The following MACROD2 variants were observed in gnomAD, a reference collection of about 807,000 sequenced individuals.
MACROD2 encodes ADP-ribose glycohydrolase MACROD2.
MACROD2 carries 36 observed loss-of-function variants against 70.4 expected under a neutral mutation model. The observed-to-expected ratio is 0.51, with a 90% CI of 0.39 to 0.68. The LOEUF (loss-of-function observed/expected upper bound fraction) is 0.68, where lower values mean the gene tolerates loss of function less well. MACROD2 is among the 30% of genes least tolerant of loss of function. The pLI is 0.00. For synonymous variants in MACROD2, 172 were observed against 178.8 expected, an observed-to-expected ratio of 0.96 and a Z score of 0.30; for missense variants, 496 against 538.4, an observed-to-expected ratio of 0.92 and a Z score of 0.78.
chr20:15,679,341 G>T (rs536292216), intron 8 of MACROD2, among the ~76,000 whole-genome samples: 2 of 150,858 alleles, frequency 1.3e-5, no homozygotes, highest in Admixed American at 1.3e-4. Context: ...GAAGGGTGAG[G>T]GGTGGTCAGG....
rs116909168 is a variant in MACROD2 at position 15,475,859 on chromosome 20, T to A, written c.572-23915T>A. On this transcript the variant is annotated intron_variant, in intron 7 of 17. Coordinates refer to ENST00000684519, the MANE Select transcript of MACROD2 (RefSeq NM_001351661.2). ...AGAAAACATTCAATCCCACTATTCT[T>A]AGCCTGACTTTCTACTTCTAGCTTT... Among the ~76,000 whole-genome samples the A allele has an allele frequency of 5.3e-5, 8 of 152,368 alleles. No homozygotes were observed. The East Asian group carries it at 1.5e-3, about 29-fold the overall frequency.
intron 5 of MACROD2, among the ~76,000 whole-genome samples, chr20:14,802,151 C>A (rs1351086342): frequency 6.6e-6 from 1 of 152,012 alleles, no homozygotes; most frequent in African/African-American, 2.4e-5. Flanking sequence ...GCAGAAGAAG[C>A]CTGAGACAGC....
chr20:15,032,805 G>A (rs1351284890), intron 5 of MACROD2, among the ~76,000 whole-genome samples: 1 of 152,164 alleles, frequency 6.6e-6, no homozygotes, highest in Non-Finnish European at 1.5e-5. Context: ...ATTCACTATA[G>A]CCAAAAGGTG....
intron 8 of MACROD2, among the ~76,000 whole-genome samples, chr20:15,764,635 A>G (rs918026950): frequency 6.6e-6 from 1 of 152,128 alleles, no homozygotes; most frequent in Admixed American, 6.5e-5. Flanking sequence ...TTCCGATGCC[A>G]CCACCATAGT....
chr20:14,912,949 C>G (rs534244401), intron 5 of MACROD2, among the ~76,000 whole-genome samples: 8 of 152,256 alleles, frequency 5.3e-5, no homozygotes, highest in Non-Finnish European at 7.3e-5. Context: ...GCAGTTGGCT[C>G]ATACACATAA....
chr20:14,357,735 A>T (rs970648272), intron 3 of MACROD2, among the ~76,000 whole-genome samples: 2 of 152,244 alleles, frequency 1.3e-5, no homozygotes, highest in Non-Finnish European at 2.9e-5. Flanking sequence ...TTTTACTGCT[A>T]GTGAACTTGA....
At chr20:14,641,385 T>G (rs2123491533) in intron 4 of MACROD2, among the ~76,000 whole-genome samples, 1 of 152,342 alleles carries the variant, frequency 6.6e-6, no homozygotes, top group South Asian at 2.1e-4. Context: ...TATTCCAAAC[T>G]TATGTTCCTG....
At chr20:14,995,970 C>T (rs1254727349) in intron 5 of MACROD2, among the ~76,000 whole-genome samples, 1 of 152,106 alleles carries the variant, frequency 6.6e-6, no homozygotes, top group Non-Finnish European at 1.5e-5. Flanking sequence ...ATAAAAATTT[C>T]TGCGCTGGAA....
chr20:15,796,003 A>C (rs570503631), intron 8 of MACROD2, among the ~76,000 whole-genome samples: 2 of 152,214 alleles, frequency 1.3e-5, no homozygotes, highest in Admixed American at 1.3e-4. Context: ...GTAGACACAA[A>C]AGGGGTGCTT....
At chr20:15,616,045 G>C (rs1412289870) in intron 8 of MACROD2, among the ~76,000 whole-genome samples, 1 of 151,584 alleles carries the variant, frequency 6.6e-6, no homozygotes, top group Non-Finnish European at 1.5e-5. Context: ...CAGCCTCCTA[G>C]GTATACACCC....
chr20:15,772,084 C>CAAAAA (rs753205618), intron 8 of MACROD2, among the ~76,000 whole-genome samples: 1 of 70,726 alleles, frequency 1.4e-5, no homozygotes, highest in Non-Finnish European at 2.6e-5. Flanking sequence ...GACTCGGTCT[C>CAAAAA]AAAAAAAAAA....
chr20:14,704,199 T>G (rs941558171), intron 5 of MACROD2, among the ~76,000 whole-genome samples: 1 of 152,196 alleles, frequency 6.6e-6, no homozygotes, highest in Non-Finnish European at 1.5e-5. Flanking sequence ...TTAATACCTC[T>G]CCTCAGCATT....
chr20:15,092,570 T>A (rs1248773152), intron 5 of MACROD2, among the ~76,000 whole-genome samples: 1 of 151,734 alleles, frequency 6.6e-6, no homozygotes, highest in Non-Finnish European at 1.5e-5. Flanking sequence ...TAAGTTAAGA[T>A]CTTAGACTTA....
chr20:14,637,855 A>C (rs2123484374), intron 4 of MACROD2, among the ~76,000 whole-genome samples: 1 of 152,192 alleles, frequency 6.6e-6, no homozygotes, highest in South Asian at 2.1e-4. Flanking sequence ...TTTCCCTCTC[A>C]GTATTCTCTG....
intron 3 of MACROD2, among the ~76,000 whole-genome samples, chr20:14,189,099 G>A (rs2081365751): frequency 6.6e-6 from 1 of 152,044 alleles, no homozygotes; most frequent in Non-Finnish European, 1.5e-5. Context: ...ATGCTGTGAT[G>A]CTACATTGAC....
At chr20:14,270,466 G>A (rs904310176) in intron 3 of MACROD2, among the ~76,000 whole-genome samples, 3 of 151,886 alleles carry the variant, frequency 2.0e-5, no homozygotes, top group African/African-American at 7.3e-5. Context: ...GTGCATGCCT[G>A]TAGTCCGAGC....
At chr20:15,297,696 A>G (rs6043182) in intron 6 of MACROD2, among the ~76,000 whole-genome samples, 22,814 of 152,204 alleles carry the variant, frequency 0.15, 1,941 homozygotes, top group African/African-American at 0.23. Context: ...ACAATTTCCT[A>G]CTTTTATGGT....
At chr20:14,223,990 G>A (rs117895850) in intron 3 of MACROD2, among the ~76,000 whole-genome samples, 3,317 of 152,252 alleles carry the variant, frequency 0.022, 57 homozygotes, top group Non-Finnish European at 0.03. Flanking sequence ...AAGGTGATCC[G>A]TTGGCAGAAT....
intron 3 of MACROD2, among the ~76,000 whole-genome samples, chr20:14,170,869 T>G (rs1259601362): frequency 6.6e-6 from 1 of 152,334 alleles, no homozygotes; most frequent in East Asian, 1.9e-4. Flanking sequence ...ATAGAATGAT[T>G]TAGGGAGGAT....
Sources: allele counts gnomAD v4.1 joint callset (sites outside exome capture counted in the v4.1 genomes callset), GRCh38; gene constraint gnomAD v4.1.1; transcripts MANE v1.5; gene names NCBI Gene and HGNC (gene_info 2026-07-23, HGNC 2026-07-21).